ZNF346: variants seen among roughly 807,000 people sequenced by gnomAD.
The protein encoded by ZNF346 is zinc finger protein 346.
A neutral mutation model predicts 33.7 loss-of-function variants in ZNF346; 23 were observed. The ratio of observed to expected loss-of-function variants is 0.68; its 90% confidence interval spans 0.49 to 0.97. ZNF346 has a LOEUF of 0.97. Among genes scored for constraint, ZNF346 ranks in the 50% least tolerant of loss-of-function variants. ZNF346 has a pLI of 0.00. For missense variants in ZNF346, 340 were observed against 371.1 expected (o/e 0.92, Z 0.69); for synonymous variants, 134 against 142.4 (o/e 0.94, Z 0.42).
In ZNF346 at chr5:177,022,830, C is replaced by T. The variant is rs1359022483; in HGVS notation, c.92C>T (p.Pro31Leu). Residue 31 changes from proline to leucine, a missense_variant, in exon 1 of 7, where the codon CCG (proline) becomes CTG (leucine). Coordinates refer to ENST00000358149, the MANE Select transcript of ZNF346 (RefSeq NM_012279.4). ...SSSELLEGQE[P>L]DGVRFDRERA... ...TCGGAGTTGCTGGAGGGCCAGGAGC[C>T]GGACGGGGTGCGCTTTGACCGCGAG... 6.5e-7 allele frequency: 1 copy of T among 1,539,552 alleles called. No individual in the cohort carries two copies. The highest frequency in any genetic ancestry group is 8.8e-7 in the Non-Finnish European group (1 of 1,142,846).
At chr5:177,057,431 A>G (rs953114248) in intron 5 of ZNF346, among the ~76,000 whole-genome samples, 7 of 151,836 alleles carry the variant, frequency 4.6e-5, no homozygotes, top group African/African-American at 1.7e-4. Context: ...GCCAAATAAC[A>G]TGACTTTAAA....
intron 5 of ZNF346, chr5:177,052,270 C>T (rs1162452298): frequency 1.3e-5 from 2 of 151,584 alleles, no homozygotes; most frequent in African/African-American, 4.9e-5. Flanking sequence ...TGTGTTCAAG[C>T]GATTCTTATG....
intron 1 of ZNF346, among the ~76,000 whole-genome samples, chr5:177,039,053 G>A (rs571621363): frequency 8.6e-5 from 13 of 152,008 alleles, no homozygotes; most frequent in Middle Eastern, 3.4e-3. Flanking sequence ...CACCACACCC[G>A]GCTAGTTTTG....
Position 177,066,298 on chromosome 5 carries a change from G to T in ZNF346, c.*1699G>T, listed in dbSNP as rs1277018057. 6.6e-6 allele frequency among the ~76,000 whole-genome samples: 1 copy of T among 151,832 alleles called. No homozygotes were observed. Among genetic ancestry groups the T allele is most frequent in the Non-Finnish European group, 1.5e-5 (1 of 67,962 alleles). On this transcript the variant is annotated 3_prime_UTR_variant, in exon 7 of 7. Transcript: ENST00000358149. Reference sequence around the variant, plus strand: ...GTTATGTAAAGGAGTGCAGGGAGGGGCAGGAAAGGAGACAAGGAGGCCAGT... The same window carrying T: ...GTTATGTAAAGGAGTGCAGGGAGGGTCAGGAAAGGAGACAAGGAGGCCAGT...
Position 177,041,823 on chromosome 5 carries a change from GGA to G in ZNF346, c.326_327del (p.Gly109AspfsTer31), listed in dbSNP as rs756278105. The G allele has an allele frequency of 6.2e-7, 1 of 1,613,770 alleles. No individual in the cohort carries two copies. Among genetic ancestry groups the G allele is most frequent in the Non-Finnish European group, 8.5e-7 (1 of 1,179,754 alleles). On this transcript the variant is annotated frameshift_variant, in exon 3 of 7. Transcript: ENST00000358149. LOFTEE classifies it high-confidence loss of function. Reference sequence around the variant, plus strand: ...AGTGAAGAGATACCTAGCAATCCATGGAATGGAGACATTAAAGGGGGAAACGA... The same window carrying G: ...AGTGAAGAGATACCTAGCAATCCATGATGGAGACATTAAAGGGGGAAACGA... ...NKVKRYLAIH[G>X]METLKGETKK... is the part of the protein sequence containing the mutation.
At chr5:177,063,305 T>G (rs1782772157) in intron 6 of ZNF346, among the ~76,000 whole-genome samples, 1 of 152,204 alleles carries the variant, frequency 6.6e-6, no homozygotes, top group Non-Finnish European at 1.5e-5. Flanking sequence ...CTTTGGTCAT[T>G]GATTTTGCTT....
At position 177,038,918 on chromosome 5, in the gene ZNF346, G is replaced by A. The variant is rs1049084819; in HGVS notation, c.176-2208G>A. Among the ~76,000 whole-genome samples, 6 of 142,332 alleles carry A rather than the reference G, an allele frequency of 4.2e-5. No homozygotes were observed. In the East Asian group the frequency reaches 6.2e-4, roughly 15 times the overall value. 93.4% of individuals were successfully genotyped at this position (142,332 alleles called of 152,430 possible). On this transcript the variant is annotated intron_variant, in intron 1 of 6. Transcript: ENST00000358149. ...TGTGTGTGTGTGTGTGTGTGTGTCCGAGTTTTGCTGTTGCTCAGGCTGGAG... is the reference window on the plus strand; with the variant it reads ...TGTGTGTGTGTGTGTGTGTGTGTCCAAGTTTTGCTGTTGCTCAGGCTGGAG...
intron 3 of ZNF346, among the ~76,000 whole-genome samples, chr5:177,043,398 G>A (rs146401347): frequency 2.5e-4 from 38 of 152,256 alleles, no homozygotes; most frequent in African/African-American, 8.2e-4. Context: ...CAGGCTTTCT[G>A]AGAGAGATGC....
intron 8 of ZNF346, among the ~76,000 whole-genome samples, chr5:177,075,138 C>T (rs918483951): frequency 2.0e-5 from 3 of 151,630 alleles, no homozygotes; most frequent in African/African-American, 2.4e-5. Flanking sequence ...TGGTGGCTCA[C>T]GCCTGTAATC....
At chr5:177,027,429 T>G (rs1477057086) in intron 1 of ZNF346, among the ~76,000 whole-genome samples, 1 of 151,670 alleles carries the variant, frequency 6.6e-6, no homozygotes, top group Non-Finnish European at 1.5e-5. Flanking sequence ...TTTGTAAAAA[T>G]ACAAACATTA....
chr5:177,058,922 A>G (rs1782117861), intron 5 of ZNF346, among the ~76,000 whole-genome samples: 1 of 152,184 alleles, frequency 6.6e-6, no homozygotes, highest in Non-Finnish European at 1.5e-5. Context: ...TTTTGTAGAG[A>G]CAGGGTTTCA....
In ZNF346 at chr5:177,028,369, C is replaced by A. The variant is rs1777127254; in HGVS notation, c.175+5456C>A. On this transcript the variant is annotated intron_variant, in intron 1 of 6. Transcript: ENST00000358149. ...TTGGTTAGTCTAGCTAAGAATTTGT[C>A]ATTTTCTTGATCTTTTCTAGTTTCT... 2.7e-5 allele frequency among the ~76,000 whole-genome samples: 4 copies of A among 150,550 alleles called. No individual in the cohort carries two copies. The South Asian group carries it at 8.4e-4, about 32-fold the overall frequency.
chr5:177,067,919 A>G lies in ZNF346; in HGVS notation c.*3320A>G, dbSNP rs1783311481. Among the ~76,000 whole-genome samples the G allele has an allele frequency of 6.6e-6, 1 of 152,192 alleles. No homozygotes were observed. On this transcript the variant is annotated 3_prime_UTR_variant, in exon 7 of 7. Transcript: ENST00000358149. ...CGGGAGTTTAAGACCATCCTGGCCA[A>G]CGTGGTGAAATCCCATCTCTACAAA...
intron 1 of ZNF346, among the ~76,000 whole-genome samples, chr5:177,038,963 C>T (rs1778974156): frequency 6.6e-6 from 1 of 150,996 alleles, no homozygotes; most frequent in African/African-American, 2.5e-5. Context: ...ACAATCTCGG[C>T]TCACTGCAAC....
At position 177,022,732 on chromosome 5, in the gene ZNF346, G is replaced by C. The variant is rs755955615; in HGVS notation, c.-7G>C. The C allele has an allele frequency of 3.9e-6, 6 of 1,547,834 alleles. No homozygotes were observed. The African/African-American group carries it at 4.2e-5, about 11-fold the overall frequency. On this transcript the variant is annotated 5_prime_UTR_variant, in exon 1 of 7. Coordinates refer to ENST00000358149, the MANE Select transcript of ZNF346 (RefSeq NM_012279.4). ...AGGCTCTCTACCGGTGAGGGTTTGCGGGGAAGATGGAGTATCCCGCGCCGG... is the reference window on the plus strand; with the variant it reads ...AGGCTCTCTACCGGTGAGGGTTTGCCGGGAAGATGGAGTATCCCGCGCCGG...
intron 5 of ZNF346, among the ~76,000 whole-genome samples, chr5:177,059,593 C>T (rs1782199080): frequency 9.3e-6 from 1 of 107,448 alleles, no homozygotes; most frequent in Admixed American, 1.1e-4. Context: ...TTGAATGTCC[C>T]CTCCAGGTTA....
chr5:177,064,493 T>C lies in ZNF346; in HGVS notation c.798-19T>C. 6.2e-7 allele frequency: 1 copy of C among 1,606,894 alleles called. No homozygotes were observed. Among genetic ancestry groups the C allele is most frequent in the Non-Finnish European group, 8.5e-7 (1 of 1,173,354 alleles). On this transcript the variant is annotated intron_variant, in intron 6 of 6. Transcript: ENST00000358149. ...CTGCCACACACTGACCCTCTTCCTTTGTTCCTTCTCAAATACAGGTCACCA... is the reference window on the plus strand; with the variant it reads ...CTGCCACACACTGACCCTCTTCCTTCGTTCCTTCTCAAATACAGGTCACCA...
At chr5:177,078,529 C>T (rs2149722498) in intron 8 of ZNF346, among the ~76,000 whole-genome samples, 1 of 152,302 alleles carries the variant, frequency 6.6e-6, no homozygotes, top group East Asian at 1.9e-4. Flanking sequence ...TGCCTGGAGT[C>T]CCAGCTAATG....
intron 1 of ZNF346, among the ~76,000 whole-genome samples, chr5:177,032,901 A>G (rs2149598339): frequency 6.6e-6 from 1 of 152,338 alleles, no homozygotes; most frequent in South Asian, 2.1e-4. Flanking sequence ...AAAAAATTAA[A>G]TTAAAAACAA....
Sources: allele counts gnomAD v4.1 joint callset (sites outside exome capture counted in the v4.1 genomes callset), GRCh38; gene constraint gnomAD v4.1.1; transcripts MANE v1.5; gene names NCBI Gene and HGNC (gene_info 2026-07-23, HGNC 2026-07-21).